The following CAMTA1 variants were observed in gnomAD, a reference collection of about 807,000 sequenced individuals.
CAMTA1 encodes the protein calmodulin-binding transcription activator 1.
In CAMTA1, 27 loss-of-function variants were observed where a neutral mutation model predicts 170.9. The ratio of observed to expected loss-of-function variants is 0.16; its 90% CI spans 0.12 to 0.22. The LOEUF (loss-of-function observed/expected upper bound fraction) is 0.22, where lower values mean the gene tolerates loss of function less well. CAMTA1 is among the 10% of genes least tolerant of loss of function. The pLI, the probability that CAMTA1 is intolerant of heterozygous loss-of-function variation, is 1.00. For synonymous variants in CAMTA1, 833 were observed against 891.5 expected, an observed-to-expected ratio of 0.93 and a Z score of 1.17; for missense variants, 1,619 against 2,217.2, an observed-to-expected ratio of 0.73 and a Z score of 5.42.
At chr1:6,986,710 C>T (rs1695416183) in intron 3 of CAMTA1, among the ~76,000 whole-genome samples, 1 of 151,964 alleles carries the variant, frequency 6.6e-6, no homozygotes, top group South Asian at 2.1e-4. Context: ...AGTACTGGGG[C>T]TCCAAGATGG....
intron 19 of CAMTA1, among the ~76,000 whole-genome samples, chr1:7,749,955 C>T (rs1030163600): frequency 2.0e-5 from 3 of 152,164 alleles, no homozygotes; most frequent in Non-Finnish European, 2.9e-5. Context: ...CTGGGGACCA[C>T]GTGGTTATTC....
intron 6 of CAMTA1, among the ~76,000 whole-genome samples, chr1:7,556,384 G>A (rs1028990079): frequency 6.6e-6 from 1 of 152,174 alleles, no homozygotes; most frequent in Non-Finnish European, 1.5e-5. Flanking sequence ...AGGCCCCAGA[G>A]GTCAAAGCAT....
chr1:6,976,625 A>T (rs1693476604), intron 3 of CAMTA1, among the ~76,000 whole-genome samples: 1 of 152,166 alleles, frequency 6.6e-6, no homozygotes, highest in Non-Finnish European at 1.5e-5. Context: ...AGGAAAGGAC[A>T]TGGGCCAGGA....
At chr1:7,250,541 G>A (rs562516432) in intron 5 of CAMTA1, among the ~76,000 whole-genome samples, 1 of 152,284 alleles carries the variant, frequency 6.6e-6, no homozygotes, top group Admixed American at 6.5e-5. Flanking sequence ...GAGTTTGCGA[G>A]CATACAGGAT....
intron 3 of CAMTA1, among the ~76,000 whole-genome samples, chr1:6,857,700 C>T (rs903871554): frequency 6.6e-6 from 1 of 152,164 alleles, no homozygotes; most frequent in South Asian, 2.1e-4. Context: ...ATTTGAATGT[C>T]TGTATGACAG....
chr1:7,606,686 G>A (rs576847758), intron 6 of CAMTA1, among the ~76,000 whole-genome samples: 15 of 152,180 alleles, frequency 9.9e-5, no homozygotes, highest in African/African-American at 1.9e-4. Context: ...CAGCACAAGC[G>A]TGTCCTCCTC....
chr1:7,009,334 C>T (rs78699769), intron 3 of CAMTA1, among the ~76,000 whole-genome samples: 3,682 of 152,216 alleles, frequency 0.024, 141 homozygotes, highest in African/African-American at 0.085. Flanking sequence ...TCCCCAGAGG[C>T]GGCATCGTGG....
intron 6 of CAMTA1, among the ~76,000 whole-genome samples, chr1:7,474,675 G>A (rs938317058): frequency 2.6e-5 from 4 of 152,220 alleles, no homozygotes; most frequent in African/African-American, 7.2e-5. Context: ...AGCCCCGCTG[G>A]TACAGGCAGC....
chr1:7,666,167 T>TA (rs573817014), intron 9 of CAMTA1, among the ~76,000 whole-genome samples: 48,037 of 142,428 alleles, frequency 0.34, 8,251 homozygotes, highest in Non-Finnish European at 0.39. Flanking sequence ...GAAACTGTCT[T>TA]AAAAAAAAAA....
intron 3 of CAMTA1, among the ~76,000 whole-genome samples, chr1:6,952,556 C>G (rs916451805): frequency 1.3e-5 from 2 of 150,958 alleles, no homozygotes; most frequent in African/African-American, 4.9e-5. Flanking sequence ...AACTATTTGG[C>G]CAGGTGTGTC....
intron 3 of CAMTA1, among the ~76,000 whole-genome samples, chr1:7,066,086 G>GT (rs1274394360): frequency 6.6e-6 from 1 of 152,178 alleles, no homozygotes; most frequent in East Asian, 1.9e-4. Flanking sequence ...CCTCATACCT[G>GT]TTTATGTCCT....
intron 3 of CAMTA1, chr1:6,834,559 G>T: frequency 4.5e-6 from 1 of 224,222 alleles, no homozygotes; most frequent in Non-Finnish European, 8.8e-6. Flanking sequence ...TCACGCCACA[G>T]CGGTGGCACA....
At chr1:7,246,721 C>T (rs992941583) in intron 4 of CAMTA1, among the ~76,000 whole-genome samples, 2 of 130,268 alleles carry the variant, frequency 1.5e-5, no homozygotes, top group Non-Finnish European at 3.1e-5. Context: ...GGCCAGAGTG[C>T]CGTGGCACGA....
intron 20 of CAMTA1, 131 bp from the exon 21 acceptor site, chr1:7,752,328 C>A: frequency 1.3e-6 from 1 of 750,764 alleles, no homozygotes; most frequent in Non-Finnish European, 2.3e-6. Context: ...AGATTGTATA[C>A]ATCTTTAACA....
intron 6 of CAMTA1, among the ~76,000 whole-genome samples, chr1:7,638,964 C>G (rs1174834096): frequency 6.6e-6 from 1 of 152,078 alleles, no homozygotes; most frequent in Non-Finnish European, 1.5e-5. Context: ...TTAAATGGAA[C>G]TGATTTGAGA....
chr1:7,705,016 G>A (rs1338809624), intron 11 of CAMTA1, among the ~76,000 whole-genome samples: 2 of 146,922 alleles, frequency 1.4e-5, no homozygotes, highest in African/African-American at 2.5e-5. Context: ...TCGCGGGCCG[G>A]GGGCGTGGTG....
intron 6 of CAMTA1, among the ~76,000 whole-genome samples, chr1:7,583,193 G>A (rs2095276684): frequency 6.6e-6 from 1 of 152,064 alleles, no homozygotes. Flanking sequence ...ATCATCCTGG[G>A]GAAGAGAAGA....
intron 6 of CAMTA1, among the ~76,000 whole-genome samples, chr1:7,495,328 C>T (rs182706222): frequency 1.3e-5 from 2 of 152,066 alleles, no homozygotes; most frequent in Non-Finnish European, 2.9e-5. Context: ...ATTTGATTCC[C>T]GCAGCTGTGT....
chr1:7,557,724 C>CACAG (rs2094898708), intron 6 of CAMTA1, among the ~76,000 whole-genome samples: 1 of 152,190 alleles, frequency 6.6e-6, no homozygotes, highest in African/African-American at 2.4e-5. Context: ...CTGGCCCAGA[C>CACAG]ACAGACACCG....
Sources: allele counts gnomAD v4.1 joint callset (sites outside exome capture counted in the v4.1 genomes callset), GRCh38; gene constraint gnomAD v4.1.1; transcripts MANE v1.5; gene names NCBI Gene and HGNC (gene_info 2026-07-23, HGNC 2026-07-21).